CDH13: variants seen among roughly 807,000 people sequenced by gnomAD.
The protein encoded by CDH13 is cadherin 13, also known as cadherin-13.
A neutral mutation model predicts 63.8 loss-of-function variants in CDH13; 24 were observed. The observed-to-expected ratio is 0.38, with a 90% confidence interval of 0.27 to 0.53. The LOEUF is 0.53. Among genes scored for constraint, CDH13 ranks in the 20% least tolerant of loss-of-function variants. CDH13 has a pLI of 0.85. For synonymous variants in CDH13, 503 were observed against 355.3 expected (o/e 1.42, Z -4.67); for missense variants, 1,049 against 903.1 (o/e 1.16, Z -2.07).
chr16:83,360,743 A>C (rs145007119), intron 6 of CDH13, among the ~76,000 whole-genome samples: 1 of 152,284 alleles, frequency 6.6e-6, no homozygotes, highest in East Asian at 1.9e-4. Context: ...ATTCAATAGG[A>C]TAAAGGCTTC....
intron 6 of CDH13, among the ~76,000 whole-genome samples, chr16:83,366,762 T>C (rs1186229087): frequency 1.3e-5 from 2 of 152,140 alleles, no homozygotes. Flanking sequence ...CATTGCAGAA[T>C]TGCTGGAAAG....
intron 5 of CDH13, among the ~76,000 whole-genome samples, chr16:83,271,306 T>A (rs1045235135): frequency 1.3e-5 from 2 of 150,664 alleles, no homozygotes; most frequent in African/African-American, 2.4e-5. Flanking sequence ...GTCTTACGGA[T>A]AAGTGATCAG....
intron 13 of CDH13, among the ~76,000 whole-genome samples, chr16:83,785,656 A>T (rs1043077654): frequency 6.6e-6 from 1 of 152,146 alleles, no homozygotes; most frequent in African/African-American, 2.4e-5. Context: ...AGTCATCACT[A>T]GCAACCTGCA....
rs118179334 is a variant in CDH13, at chr16:82,721,566, C to T, written c.45+94429C>T. 9.4e-4 allele frequency among the ~76,000 whole-genome samples: 143 copies of T among 152,170 alleles called. 2 individuals carry two copies. The East Asian group carries it at 0.025, about 26-fold the overall frequency. ...AGAAAGGTACTCCAGGTAGAAGTAA[C>T]AGCAAAGTCAAAGAAAGCAGTCGGC... On this transcript the variant is annotated intron_variant, in intron 1 of 13. Coordinates refer to ENST00000567109, the MANE Select transcript of CDH13 (RefSeq NM_001257.5).
intron 8 of CDH13, among the ~76,000 whole-genome samples, chr16:83,649,664 A>T (rs1188089652): frequency 6.6e-6 from 1 of 152,192 alleles, no homozygotes; most frequent in Non-Finnish European, 1.5e-5. Flanking sequence ...AGCCAGGGGA[A>T]GGAGGCAAGA....
At chr16:83,255,727 T>C (rs1906179743) in intron 5 of CDH13, among the ~76,000 whole-genome samples, 1 of 152,196 alleles carries the variant, frequency 6.6e-6, no homozygotes, top group Non-Finnish European at 1.5e-5. Flanking sequence ...GGTAATAAAG[T>C]GGCACTATGC....
chr16:83,628,002 C>A (rs1910469220), intron 8 of CDH13, among the ~76,000 whole-genome samples: 1 of 152,170 alleles, frequency 6.6e-6, no homozygotes, highest in African/African-American at 2.4e-5. Flanking sequence ...TGTAAACTGT[C>A]ATAGCGCTGG....
At chr16:82,886,603 C>T (rs1050647248) in intron 2 of CDH13, among the ~76,000 whole-genome samples, 5 of 150,600 alleles carry the variant, frequency 3.3e-5, no homozygotes, top group Non-Finnish European at 7.4e-5. Context: ...AATGATTCTG[C>T]CAGGGCTTAA....
chr16:82,653,756 A>C (rs930922345), intron 1 of CDH13, among the ~76,000 whole-genome samples: 1 of 152,144 alleles, frequency 6.6e-6, no homozygotes, highest in Non-Finnish European at 1.5e-5. Flanking sequence ...CAGCAGTGAC[A>C]GACGCTCTTA....
chr16:83,753,031 G>A (rs888446971), intron 11 of CDH13, among the ~76,000 whole-genome samples: 2 of 152,122 alleles, frequency 1.3e-5, no homozygotes, highest in Non-Finnish European at 2.9e-5. Context: ...GTCCCCAAAG[G>A]TGTAATGGTA....
intron 3 of CDH13, among the ~76,000 whole-genome samples, chr16:83,078,983 C>CG (rs1468296991): frequency 6.6e-6 from 1 of 152,140 alleles, no homozygotes; most frequent in East Asian, 1.9e-4. Flanking sequence ...TTAGTAGAGA[C>CG]GGGGTTTCAC....
intron 3 of CDH13, among the ~76,000 whole-genome samples, chr16:83,035,828 ATCTTCC>A (rs1417369096): frequency 6.6e-6 from 1 of 152,124 alleles, no homozygotes; most frequent in East Asian, 1.9e-4. Context: ...ACTTGTTTGG[ATCTTCC>A]TGTGGATTCA....
intron 2 of CDH13, among the ~76,000 whole-genome samples, chr16:82,903,597 G>C (rs1415396524): frequency 6.6e-6 from 1 of 152,040 alleles, no homozygotes; most frequent in Non-Finnish European, 1.5e-5. Flanking sequence ...TGGTGTTTTA[G>C]TCGTGAGCTA....
chr16:83,498,941 C>T (rs1006025559), intron 7 of CDH13, among the ~76,000 whole-genome samples: 1 of 152,142 alleles, frequency 6.6e-6, no homozygotes, highest in Non-Finnish European at 1.5e-5. Context: ...CTCTCTCCTG[C>T]CCTTGGGGGG....
At position 82,743,885 on chromosome 16, in the gene CDH13, A is replaced by AT. The variant is rs569236651; in HGVS notation, c.46-114471dup. Among the ~76,000 whole-genome samples, 138 of 152,286 alleles carry AT rather than the reference A, an allele frequency of 9.1e-4. 1 individual carries two copies. Among genetic ancestry groups the AT allele is most frequent in the African/African-American group, 3.2e-3 (133 of 41,540 alleles). ...ATTCAGGTGTATGTAATTAAATTTG[A>AT]TTTTTTACAGGAAATTTTGAAATTG... On this transcript the variant is annotated intron_variant, in intron 1 of 13. Transcript: ENST00000567109.
At chr16:82,753,665 A>C (rs1567500826) in intron 1 of CDH13, among the ~76,000 whole-genome samples, 1 of 152,220 alleles carries the variant, frequency 6.6e-6, no homozygotes, top group East Asian at 1.9e-4. Flanking sequence ...TGTAGGTCTT[A>C]ATGAGCTTGC....
chr16:83,280,876 C>A (rs1010623019), intron 5 of CDH13, among the ~76,000 whole-genome samples: 1 of 152,190 alleles, frequency 6.6e-6, no homozygotes, highest in African/African-American at 2.4e-5. Context: ...TTGAAATGAA[C>A]CTTTTTTTCC....
chr16:83,346,995 G>A (rs111989577), intron 6 of CDH13, among the ~76,000 whole-genome samples: 1,819 of 152,238 alleles, frequency 0.012, 31 homozygotes, highest in African/African-American at 0.038. Flanking sequence ...CTCTGGGTTG[G>A]ACTATAAAGC....
rs79071433 is a variant in CDH13, at chr16:83,473,256, C to A, written c.782-13221C>A. Among the ~76,000 whole-genome samples the A allele has an allele frequency of 3.8e-3, 586 of 152,330 alleles. 2 individuals carry two copies. The highest frequency in any genetic ancestry group is 0.014 in the African/African-American group (566 of 41,574). The stretch of plus-strand genomic sequence containing the variant: ...CAATCACAGGCAGCCGACTTCCCAG[C>A]CATGAAACAACAGCTTGCAACATCA... On this transcript the variant is annotated intron_variant, in intron 6 of 13. Coordinates refer to ENST00000567109, the MANE Select transcript of CDH13 (RefSeq NM_001257.5).
Sources: gnomAD v4.1 joint callset for allele counts (sites outside exome capture counted in the v4.1 genomes callset) on GRCh38, gnomAD v4.1.1 for gene constraint, MANE v1.5 for transcripts, NCBI Gene and HGNC (gene_info 2026-07-23, HGNC 2026-07-21) for gene names.